CIBAR1: variants seen among roughly 807,000 people sequenced by gnomAD.
CIBAR1 encodes the protein CBY1 interacting BAR domain containing 1, also known as CBY1-interacting BAR domain-containing protein 1.
A neutral mutation model predicts 44.0 loss-of-function variants in CIBAR1; 25 were observed. The observed-to-expected ratio is 0.57, with a 90% confidence interval of 0.41 to 0.79. The LOEUF (loss-of-function observed/expected upper bound fraction) is 0.79, where lower values mean the gene tolerates loss of function less well. Ranked by LOEUF, CIBAR1 falls within the 30% of genes least tolerant of loss-of-function variation. The pLI, the probability that CIBAR1 is intolerant of heterozygous loss-of-function variation, is 0.00. For missense variants in CIBAR1, 278 were observed against 344.8 expected (o/e 0.81, Z 1.53); for synonymous variants, 115 against 119.0 (o/e 0.97, Z 0.22).
intron 2 of CIBAR1, chr8:93,701,996 T>C (rs1810379968): frequency 4.6e-6 from 1 of 219,622 alleles, no homozygotes; most frequent in East Asian, 1.2e-4. Context: ...CTTTTTGCTC[T>C]GGGTAGCAGG....
rs569301853 is a variant in CIBAR1 at position 93,728,300 on chromosome 8, T to C, written c.*3T>C. 39 of 1,537,882 alleles carry C rather than the reference T, an allele frequency of 2.5e-5. No individual in the cohort carries two copies. Among genetic ancestry groups the C allele is most frequent in the Non-Finnish European group, 3.3e-5 (37 of 1,130,892 alleles). ...AAGAAGAAAATTTTCTTAAGTAAAC[T>C]ACACATTTCCATTTTCATCATAAAT... is the stretch of plus-strand genomic sequence containing the variant. On this transcript the variant is annotated 3_prime_UTR_variant, in exon 9 of 9. Coordinates refer to ENST00000518322, the MANE Select transcript of CIBAR1 (RefSeq NM_145269.5).
chr8:93,713,347 T>G (rs1396511934), intron 6 of CIBAR1, among the ~76,000 whole-genome samples: 2 of 152,112 alleles, frequency 1.3e-5, no homozygotes, highest in Non-Finnish European at 2.9e-5. Flanking sequence ...TACCCTTATT[T>G]TAACTGGATT....
intron 1 of CIBAR1, 91 bp downstream of exon 1, chr8:93,700,764 C>T (rs898884377): frequency 2.9e-6 from 4 of 1,387,074 alleles, no homozygotes; most frequent in South Asian, 3.4e-5. Flanking sequence ...GCCTCTGCGC[C>T]GAATTCCGAC....
At chr8:93,713,578 A>G (rs1810918237) in intron 6 of CIBAR1, among the ~76,000 whole-genome samples, 2 of 152,180 alleles carry the variant, frequency 1.3e-5, no homozygotes, top group Admixed American at 6.5e-5. Flanking sequence ...AAGGTCATGA[A>G]TATTTATTCC....
At chr8:93,719,545 G>C (rs1176288210) in intron 7 of CIBAR1, 1 of 152,182 alleles carries the variant, frequency 6.6e-6, no homozygotes, top group Admixed American at 6.5e-5. Context: ...CAGGCTTAGA[G>C]GATTTAAATA....
chr8:93,705,004 TGTTA>T lies in CIBAR1; in HGVS notation c.427_430del (p.Val143PhefsTer34). On this transcript the variant is annotated frameshift_variant and splice_region_variant, in exon 4 of 9. Transcript: ENST00000518322. LOFTEE classifies it high-confidence loss of function. ...GTCAGCGAAACCCATCTGATCGACATGTTATTGTATCCTTTGAATTTGGGTCTTT... is the reference window on the plus strand; with the variant it reads ...GTCAGCGAAACCCATCTGATCGACATTTGTATCCTTTGAATTTGGGTCTTT... The T allele has an allele frequency of 6.2e-7, 1 of 1,609,804 alleles. No homozygotes were observed. The highest frequency in any genetic ancestry group is 1.1e-5 in the South Asian group (1 of 90,774).
At chr8:93,708,467 T>G (rs1810691399) in intron 5 of CIBAR1, among the ~76,000 whole-genome samples, 1 of 152,164 alleles carries the variant, frequency 6.6e-6, no homozygotes, top group Admixed American at 6.5e-5. Flanking sequence ...TTTTAATTTT[T>G]TATTTAATTT....
At chr8:93,726,317 T>C (rs184423179) in intron 7 of CIBAR1, 77 bp from the exon 8 acceptor site, 66 of 1,315,810 alleles carry the variant, frequency 5.0e-5, no homozygotes, top group Admixed American at 3.4e-4. Flanking sequence ...AAAAAAAATC[T>C]TAACTAAGGA....
intron 6 of CIBAR1, among the ~76,000 whole-genome samples, chr8:93,717,906 T>C (rs1446808254): frequency 6.6e-6 from 1 of 152,218 alleles, no homozygotes; most frequent in Non-Finnish European, 1.5e-5. Context: ...ATGCACATCT[T>C]CACTCATACT....
intron 6 of CIBAR1, among the ~76,000 whole-genome samples, chr8:93,714,694 G>A (rs1235347939): frequency 6.6e-6 from 1 of 151,664 alleles, no homozygotes; most frequent in Non-Finnish European, 1.5e-5. Flanking sequence ...GTGTTGCCCA[G>A]GCTTGTCTCA....
chr8:93,717,829 T>C (rs1462967338), intron 6 of CIBAR1, among the ~76,000 whole-genome samples: 1 of 152,208 alleles, frequency 6.6e-6, no homozygotes, highest in Non-Finnish European at 1.5e-5. Flanking sequence ...ATCATATTTA[T>C]TAAAAACTTG....
chr8:93,724,936 A>C (rs897245483), intron 7 of CIBAR1, among the ~76,000 whole-genome samples: 1 of 152,132 alleles, frequency 6.6e-6, no homozygotes, highest in African/African-American at 2.4e-5. Context: ...TTGTCAGGGG[A>C]TTAGTTGAAG....
chr8:93,727,212 TCAA>T, intron 8 of CIBAR1: 1 of 1,279,848 alleles, frequency 7.8e-7, no homozygotes, highest in Middle Eastern at 2.1e-4. Flanking sequence ...AATATAAAAT[TCAA>T]CAAACTTATT....
At chr8:93,718,889 A>T in intron 7 of CIBAR1, 101 bp downstream of exon 7, 2 of 670,240 alleles carry the variant, frequency 3.0e-6, no homozygotes, top group Non-Finnish European at 4.6e-6. Flanking sequence ...TTTGAGACAG[A>T]GTCTCACTCT....
Position 93,702,809 on chromosome 8 carries a change from A to T in CIBAR1, c.262-811A>T, listed in dbSNP as rs1416490200. Among the ~76,000 whole-genome samples, 8 of 152,308 alleles carry T rather than the reference A, an allele frequency of 5.3e-5. No individual in the cohort carries two copies. In the East Asian group the frequency reaches 1.5e-3, roughly 29 times the overall value. On this transcript the variant is annotated intron_variant, in intron 2 of 8. Transcript: ENST00000518322. ...TTTGTCAATTATATAAATATGTATC[A>T]TTAAAAAGCCCTTTTCCTGCTATTA...
At chr8:93,702,602 A>G (rs1810409538) in intron 2 of CIBAR1, 1 of 446,302 alleles carries the variant, frequency 2.2e-6, no homozygotes, top group Non-Finnish European at 4.5e-6. Context: ...CTGAATAATC[A>G]GTATGGATTA....
At chr8:93,718,029 G>A (rs1811099861) in intron 6 of CIBAR1, among the ~76,000 whole-genome samples, 1 of 152,066 alleles carries the variant, frequency 6.6e-6, no homozygotes, top group South Asian at 2.1e-4. Flanking sequence ...CAGTTCAGTG[G>A]GCAATAGCAA....
chr8:93,726,433 C>A lies in CIBAR1; in HGVS notation c.697C>A (p.Arg233Ser), dbSNP rs1034801496. 12 of 1,613,116 alleles carry A rather than the reference C, an allele frequency of 7.4e-6. No individual in the cohort carries two copies. In the African/African-American group the frequency reaches 1.5e-4, roughly 20 times the overall value. ...NSLYAPDYSSRLDIVRANSKS... is the reference protein window; with the variant it reads ...NSLYAPDYSSSLDIVRANSKS... ...TCTGTATGCACCAGATTATTCATCT[C>A]GTTTAGATATTGTAAGAGCAAATTC... Residue 233 changes from arginine (R) to serine (S), a missense_variant, in exon 8 of 9, where the codon CGT becomes AGT. By Grantham distance (110) the Arg-to-Ser change is moderately radical. Around this residue, in one of 3 missense-constraint regions of CIBAR1, gnomAD observed 93 missense variants for 108.9 expected, o/e 0.85. Coordinates refer to ENST00000518322, the MANE Select transcript of CIBAR1 (RefSeq NM_145269.5).
At chr8:93,701,644 T>A in intron 2 of CIBAR1, 186 bp downstream of exon 2, 1 of 620,414 alleles carries the variant, frequency 1.6e-6, no homozygotes, top group Non-Finnish European at 2.8e-6. Context: ...ATTTTACCCT[T>A]TTCAAGCTAA....
Sources: gnomAD v4.1 joint callset for allele counts (sites outside exome capture counted in the v4.1 genomes callset) on GRCh38, gnomAD v4.1.1 for gene constraint, gnomAD v4.1.1 regional missense constraint, MANE v1.5 for transcripts, NCBI Gene and HGNC (gene_info 2026-07-23, HGNC 2026-07-21) for gene names.